Variants in SNTB2 observed in about 807,000 individuals in gnomAD.
The protein encoded by SNTB2 is beta-2-syntrophin.
In SNTB2, 34 loss-of-function variants were observed where a neutral mutation model predicts 46.2. The ratio of observed to expected loss-of-function variants is 0.74; its 90% CI spans 0.56 to 0.98. The LOEUF (loss-of-function observed/expected upper bound fraction) is 0.98. SNTB2 is among the 50% of genes least tolerant of loss of function. The pLI, the probability that SNTB2 is intolerant of heterozygous loss-of-function variation, is 0.00. For missense variants in SNTB2, 603 were observed against 731.4 expected (o/e 0.82, Z 2.02); for synonymous variants, 290 against 312.6 (o/e 0.93, Z 0.76).
chr16:69,227,280 G>A (rs1964468346), intron 1 of SNTB2, among the ~76,000 whole-genome samples: 1 of 152,192 alleles, frequency 6.6e-6, no homozygotes, highest in Admixed American at 6.5e-5. Context: ...CTGTGCATTA[G>A]TGATTCCAGC....
At chr16:69,216,034 C>A (rs1964343908) in intron 1 of SNTB2, among the ~76,000 whole-genome samples, 2 of 152,114 alleles carry the variant, frequency 1.3e-5, no homozygotes, top group Non-Finnish European at 2.9e-5. Flanking sequence ...CAGGCTGGTC[C>A]TGAACTTCTG....
rs552935966 is a variant in SNTB2, at chr16:69,255,866, A to G, written c.795-4184A>G. On this transcript the variant is annotated intron_variant, in intron 2 of 6. Transcript: ENST00000336278. ...CACTCCAGCCCGGGCAACAAGAGGT[A>G]AACTCTGTCTCAAAAAAAAAAAAAA... Among the ~76,000 whole-genome samples the G allele has an allele frequency of 4.2e-3, 629 of 150,294 alleles. 3 individuals carry two copies. The highest frequency in any genetic ancestry group is 4.6e-3 in the Non-Finnish European group (312 of 67,534).
intron 1 of SNTB2, among the ~76,000 whole-genome samples, chr16:69,242,109 C>T (rs546584804): frequency 2.1e-4 from 32 of 152,044 alleles, no homozygotes; most frequent in Non-Finnish European, 4.1e-4. Flanking sequence ...TCAAGATTTC[C>T]GTTTACATGT....
At chr16:69,228,637 C>T (rs1257348975) in intron 1 of SNTB2, among the ~76,000 whole-genome samples, 2 of 151,704 alleles carry the variant, frequency 1.3e-5, no homozygotes, top group East Asian at 1.9e-4. Flanking sequence ...TTCAGTTTCA[C>T]ATATTTGACT....
rs1965297595 is a variant in SNTB2, at chr16:69,304,100, C to G, written c.*3176C>G. On this transcript the variant is annotated 3_prime_UTR_variant, in exon 7 of 7. Transcript: ENST00000336278. ...CCACCTTTTCTCCTAAAACTTCTCT[C>G]CTTTCTCTCCATAAAAAGAAAAGGA... 6.6e-6 allele frequency: 1 copy of G among 152,150 alleles called. No individual in the cohort carries two copies. Among genetic ancestry groups the G allele is most frequent in the African/African-American group, 2.4e-5 (1 of 41,418 alleles). 9.4% of individuals were successfully genotyped at this position (152,150 alleles called of 1,614,324 possible). A position where few individuals can be genotyped will look rare whatever the true frequency, so the allele number is the denominator to read the frequency against.
intron 5 of SNTB2, among the ~76,000 whole-genome samples, chr16:69,288,700 AAGAAG>A (rs773429997): frequency 6.6e-6 from 1 of 152,194 alleles, no homozygotes; most frequent in Non-Finnish European, 1.5e-5. Context: ...ATTTATCCAA[AAGAAG>A]AGAAATCAGC....
chr16:69,241,536 G>A (rs1156533233), intron 1 of SNTB2, among the ~76,000 whole-genome samples: 1 of 147,880 alleles, frequency 6.8e-6, no homozygotes, highest in Non-Finnish European at 1.5e-5. Context: ...TGTAATCCCA[G>A]CACTTTGGGA....
chr16:69,260,274 C>T lies in SNTB2; in HGVS notation c.1005+14C>T. On this transcript the variant is annotated intron_variant, in intron 3 of 6. Transcript: ENST00000336278. ...CTGGCAGAACAGGTAGGCTGGGAGG[C>T]AGGGCAGAGTATCACCTGGTTCCCA... 1 of 1,612,388 alleles carries T rather than the reference C, an allele frequency of 6.2e-7. No homozygotes were observed. Among genetic ancestry groups the T allele is most frequent in the Non-Finnish European group, 8.5e-7 (1 of 1,178,836 alleles).
intron 1 of SNTB2, among the ~76,000 whole-genome samples, chr16:69,241,522 A>C (rs1964614519): frequency 6.8e-6 from 1 of 147,302 alleles, no homozygotes; most frequent in African/African-American, 2.5e-5. Context: ...TGGTGGCTCA[A>C]GCCTGTAATC....
chr16:69,306,107 C>T lies in SNTB2; in HGVS notation c.*5183C>T, dbSNP rs1381015933. ...GACTGCTTAAGTGGCTGATTTGAAA[C>T]CTTTCTCTAAAAAAACAAAAACATC... On this transcript the variant is annotated 3_prime_UTR_variant, in exon 7 of 7. Transcript: ENST00000336278. The T allele has an allele frequency of 3.3e-5, 5 of 151,964 alleles. No homozygotes were observed. The highest frequency in any genetic ancestry group is 1.5e-5 in the Non-Finnish European group (1 of 67,994). 9.4% of individuals were successfully genotyped at this position (151,964 alleles called of 1,614,324 possible). A position where few individuals can be genotyped will look rare whatever the true frequency, so the allele number is the denominator to read the frequency against.
chr16:69,263,450 C>T (rs2143099127), intron 3 of SNTB2, among the ~76,000 whole-genome samples: 1 of 145,028 alleles, frequency 6.9e-6, no homozygotes. Context: ...CGGAGTTTCG[C>T]TCTTGTTGCC....
intron 1 of SNTB2, among the ~76,000 whole-genome samples, chr16:69,217,131 A>T (rs1312251226): frequency 6.6e-6 from 1 of 152,190 alleles, no homozygotes; most frequent in Non-Finnish European, 1.5e-5. Context: ...TAAAGTAATA[A>T]AATGTAGCCT....
intron 1 of SNTB2, among the ~76,000 whole-genome samples, chr16:69,234,379 A>G (rs941531111): frequency 2.0e-5 from 3 of 152,250 alleles, no homozygotes; most frequent in African/African-American, 4.8e-5. Context: ...GAATGCCTAA[A>G]TAAATTATGG....
At chr16:69,248,692 G>C (rs1335389626) in intron 2 of SNTB2, among the ~76,000 whole-genome samples, 1 of 152,016 alleles carries the variant, frequency 6.6e-6, no homozygotes, top group African/African-American at 2.4e-5. Context: ...CATGGTGGTG[G>C]CTCACACCTA....
rs745499020 is a variant in SNTB2 at position 69,300,976 on chromosome 16, T to C, written c.*52T>C. On this transcript the variant is annotated 3_prime_UTR_variant, in exon 7 of 7. Coordinates refer to ENST00000336278, the MANE Select transcript of SNTB2 (RefSeq NM_006750.4). ...GACTGTCACAAGAAATATTTCCACC[T>C]CAAAAAAAAAAAAGCACAAAAAGAA... 4.8e-6 allele frequency: 5 copies of C among 1,036,062 alleles called. No homozygotes were observed. The highest frequency in any genetic ancestry group is 7.2e-6 in the Non-Finnish European group (5 of 693,184). The allele number at this position is 1,036,062 out of a possible 1,614,324, so 64.2% of individuals were successfully genotyped here.
intron 1 of SNTB2, among the ~76,000 whole-genome samples, chr16:69,232,502 CTTTT>C (rs1032986410): frequency 1.6e-4 from 10 of 63,880 alleles, no homozygotes; most frequent in Non-Finnish European, 2.4e-4. Context: ...ACGGTGCGGC[CTTTT>C]TTTTTTTTTT....
In SNTB2 at chr16:69,236,835, G is replaced by A. The variant is rs534430885; in HGVS notation, c.581-8767G>A. Among the ~76,000 whole-genome samples, 146 of 152,226 alleles carry A rather than the reference G, an allele frequency of 9.6e-4. 1 individual carries two copies. The highest frequency in any genetic ancestry group is 4.1e-4 in the Non-Finnish European group (28 of 68,018). ...GATGTAGCGGGTAGGGACAGAGAGT[G>A]GTCTGCAAAGGTTTAGAGAAGCATT... On this transcript the variant is annotated intron_variant, in intron 1 of 6. Transcript: ENST00000336278.
intron 5 of SNTB2, among the ~76,000 whole-genome samples, chr16:69,286,115 GTTTA>G (rs927371418): frequency 5.9e-5 from 9 of 151,634 alleles, no homozygotes; most frequent in African/African-American, 1.9e-4. Flanking sequence ...CTGGTCTTCG[GTTTA>G]TTTATTTATT....
intron 1 of SNTB2, among the ~76,000 whole-genome samples, chr16:69,200,147 C>T (rs897703795): frequency 1.3e-5 from 2 of 152,142 alleles, no homozygotes; most frequent in Non-Finnish European, 2.9e-5. Context: ...ATCTCCTGAC[C>T]TCGTGATCCG....
Sources: allele counts gnomAD v4.1 joint callset (sites outside exome capture counted in the v4.1 genomes callset), GRCh38; gene constraint gnomAD v4.1.1; transcripts MANE v1.5; gene names NCBI Gene and HGNC (gene_info 2026-07-23, HGNC 2026-07-21).